Variants in PNISR observed in about 807,000 individuals in gnomAD.
PNISR encodes the protein arginine/serine-rich protein PNISR.
In PNISR, 20 loss-of-function variants were observed where a neutral mutation model predicts 93.4. The ratio of observed to expected loss-of-function variants is 0.21; its 90% confidence interval spans 0.15 to 0.31. PNISR has a LOEUF of 0.31. PNISR is among the 10% of genes least tolerant of loss of function. The probability of loss-of-function intolerance (pLI) is 1.00; values close to 1 mark genes in which losing one functional copy is unlikely to be tolerated. For synonymous variants in PNISR, 305 were observed against 306.5 expected (o/e 0.99, Z 0.05); for missense variants, 893 against 985.4 (o/e 0.91, Z 1.25).
rs752771831 is a variant in PNISR at position 99,410,918 on chromosome 6, T to C, written c.324A>G (p.Pro108=). 8 of 1,613,996 alleles carry C rather than the reference T, an allele frequency of 5.0e-6. No individual in the cohort carries two copies. Among genetic ancestry groups the C allele is most frequent in the South Asian group, 1.1e-5 (1 of 91,080 alleles). ...QQPPHPPPDQ[P]WMPPTPGPMD... ...TTGGGCCTGGTGTTGGTGGCATCCATGGCTGATCTGGAGGGGGGTGTGGGG... is the reference window on the plus strand; with the variant it reads ...TTGGGCCTGGTGTTGGTGGCATCCACGGCTGATCTGGAGGGGGGTGTGGGG... The change falls in exon 5 of 12, where the codon CCA becomes CCG. Residue 108 remains proline, a synonymous_variant. Transcript: ENST00000369239.
chr6:99,420,827 T>C (rs1275278598), intron 1 of PNISR, among the ~76,000 whole-genome samples: 2 of 152,236 alleles, frequency 1.3e-5, no homozygotes. Flanking sequence ...TAATACTTTT[T>C]ATAGAGGGTC....
At chr6:99,407,619 T>C (rs1052384541) in intron 7 of PNISR, among the ~76,000 whole-genome samples, 2 of 152,212 alleles carry the variant, frequency 1.3e-5, no homozygotes, top group African/African-American at 2.4e-5. Context: ...ATAAAAAAGT[T>C]CCTAAACCAC....
chr6:99,417,755 C>T (rs1435936850), intron 1 of PNISR, among the ~76,000 whole-genome samples: 4 of 152,124 alleles, frequency 2.6e-5, no homozygotes, highest in Admixed American at 2.6e-4. Flanking sequence ...TACCTGAGGT[C>T]AGGCATTCAG....
At chr6:99,422,999 CA>C (rs1778816072) in intron 1 of PNISR, among the ~76,000 whole-genome samples, 1 of 151,358 alleles carries the variant, frequency 6.6e-6, no homozygotes, top group South Asian at 2.1e-4. Context: ...GCAACAAGCA[CA>C]CCTAGGCACG....
intron 4 of PNISR, 154 bp from the exon 5 acceptor site, chr6:99,411,118 A>T (rs1776856685): frequency 1.6e-6 from 1 of 617,664 alleles, no homozygotes; most frequent in Non-Finnish European, 2.9e-6. Flanking sequence ...TATCTTAAAA[A>T]TAAGCAATGA....
intron 4 of PNISR, chr6:99,411,659 G>A (rs1233930676): frequency 6.6e-6 from 1 of 152,566 alleles, no homozygotes; most frequent in Non-Finnish European, 1.5e-5. Flanking sequence ...CTGTCACCCA[G>A]GCTGGAGTGC....
At chr6:99,416,992 A>C (rs889514358) in intron 1 of PNISR, among the ~76,000 whole-genome samples, 2 of 152,220 alleles carry the variant, frequency 1.3e-5, no homozygotes, top group Non-Finnish European at 2.9e-5. Context: ...TAAATAAATA[A>C]TCAGTGTCTA....
intron 2 of PNISR, chr6:99,415,937 C>T (rs1265968270): frequency 6.5e-6 from 1 of 152,986 alleles, no homozygotes; most frequent in East Asian, 1.9e-4. Flanking sequence ...CTATCTGCGG[C>T]AGATACTAAT....
Position 99,409,192 on chromosome 6 carries a change from C to T in PNISR, c.654G>A (p.Lys218=). ...AGCTACCAATTTGTGGAGGCTCCTG[C>T]TTCACAGGAAGTGCAATAGGTGAAC... ...RQRSPIALPV[K]QEPPQIDAVK... The change falls in exon 6 of 12, where the codon AAG becomes AAA. Residue 218 remains lysine (K), a synonymous_variant. Transcript: ENST00000369239. 6.2e-7 allele frequency: 1 copy of T among 1,613,608 alleles called. No homozygotes were observed. Among genetic ancestry groups the T allele is most frequent in the South Asian group, 1.1e-5 (1 of 91,066 alleles).
chr6:99,400,957 C>T lies in PNISR; in HGVS notation c.2001G>A (p.Lys667=), dbSNP rs1366867342. Residue 667 remains lysine, a synonymous_variant, in exon 12 of 12, where the codon AAG becomes AAA. Coordinates refer to ENST00000369239, the MANE Select transcript of PNISR (RefSeq NM_032870.4). ...CTTTATCTATACTTCGACTCCTCTC[C>T]TTTTTCCTCTCTTGTTCTTTAGCCT... ...KGEAKEQERK[K]ERSRSIDKDR... 1 of 1,600,012 alleles carries T rather than the reference C, an allele frequency of 6.2e-7. No individual in the cohort carries two copies. Among genetic ancestry groups the T allele is most frequent in the Admixed American group, 1.7e-5 (1 of 59,926 alleles).
At chr6:99,412,870 T>A in intron 3 of PNISR, 131 bp from the exon 4 acceptor site, 18 of 527,446 alleles carry the variant, frequency 3.4e-5, no homozygotes, top group Non-Finnish European at 5.3e-5. Context: ...ATGAGGGAAA[T>A]TAGAAAAATT....
At chr6:99,411,000 C>A (rs1351914466) in intron 4 of PNISR, 36 bp from the exon 5 acceptor site, 6 of 1,461,494 alleles carry the variant, frequency 4.1e-6, no homozygotes, top group Middle Eastern at 1.9e-4. Context: ...ATTCAACAGG[C>A]GGTTATAACA....
Position 99,414,618 on chromosome 6 carries a change from C to G in PNISR, c.42G>C (p.Leu14Phe), listed in dbSNP as rs925389698. ...ATGACTGCATCCATTGTTGCTGGTT[C>G]AAGGGCCACTGCTGCCAAGGCTGTC... The part of the protein sequence containing the change: ...QGGQPWQQWP[L>F]NQQQWMQSFQ... Residue 14 changes from leucine to phenylalanine, a missense_variant, in exon 3 of 12, where the codon TTG becomes TTC. Coordinates refer to ENST00000369239, the MANE Select transcript of PNISR (RefSeq NM_032870.4). 1.2e-6 allele frequency: 2 copies of G among 1,609,070 alleles called. No homozygotes were observed. Among genetic ancestry groups the G allele is most frequent in the African/African-American group, 2.7e-5 (2 of 74,732 alleles).
chr6:99,401,685 C>T, intron 11 of PNISR, 55 bp from the exon 12 acceptor site: 4 of 1,359,994 alleles, frequency 2.9e-6, no homozygotes, highest in Middle Eastern at 4.4e-4. Flanking sequence ...AATTCTCATA[C>T]TACCAAATGT....
chr6:99,414,651 A>T lies in PNISR; in HGVS notation c.9T>A (p.Asp3Glu), dbSNP rs755406609. MWDQGGQPWQQWP... is the reference protein window; with the variant it reads MWEQGGQPWQQWP... Reference sequence around the variant, plus strand: ...ACTGCTGCCAAGGCTGTCCTCCTTGATCCCACATCCCTTCTTTTAAAATAT... The same window carrying T: ...ACTGCTGCCAAGGCTGTCCTCCTTGTTCCCACATCCCTTCTTTTAAAATAT... Residue 3 changes from aspartate (D) to glutamate (E), a missense_variant, in exon 3 of 12, where the codon GAT (aspartate) becomes GAA (glutamate). Transcript: ENST00000369239. 1 of 1,591,436 alleles carries T rather than the reference A, an allele frequency of 6.3e-7. No homozygotes were observed. Among genetic ancestry groups the T allele is most frequent in the Admixed American group, 1.7e-5 (1 of 58,602 alleles).
rs762446591 is a variant in PNISR, at chr6:99,412,537, CAT to C, written c.277+12_277+13del. 1.9e-6 allele frequency: 3 copies of C among 1,548,082 alleles called. No individual in the cohort carries two copies. In the South Asian group the frequency reaches 3.7e-5, roughly 19 times the overall value. The stretch of plus-strand genomic sequence containing the variant: ...TTTAAAAGTCTTAAAATTGTGAAAA[CAT>C]AAACAACAAACCTGGTTGCCACATT... On this transcript the variant is annotated intron_variant, in intron 4 of 11. Coordinates refer to ENST00000369239, the MANE Select transcript of PNISR (RefSeq NM_032870.4).
rs1043141758 is a variant in PNISR, at chr6:99,425,008, T to G, written c.-112+207A>C. On this transcript the variant is annotated intron_variant, in intron 1 of 11. Transcript: ENST00000369239. ...AGAAGATGGGACCGTGAGCACTCTC[T>G]TTAACAAGGACATTTCCTTTTCAGC... 16 of 382,814 alleles carry G rather than the reference T, an allele frequency of 4.2e-5. No homozygotes were observed. In the Admixed American group the frequency reaches 7.2e-4, roughly 17 times the overall value. 23.7% of individuals were successfully genotyped at this position (382,814 alleles called of 1,614,324 possible). A position where few individuals can be genotyped will look rare whatever the true frequency, so the allele number is the denominator to read the frequency against.
chr6:99,407,840 ATTGT>A (rs1776353605), intron 7 of PNISR, among the ~76,000 whole-genome samples: 1 of 152,228 alleles, frequency 6.6e-6, no homozygotes, highest in Non-Finnish European at 1.5e-5. Context: ...ATGAATACAG[ATTGT>A]TTATCAAGAT....
intron 6 of PNISR, among the ~76,000 whole-genome samples, chr6:99,408,835 T>C (rs920666927): frequency 2.0e-5 from 3 of 152,170 alleles, no homozygotes; most frequent in South Asian, 4.1e-4. Context: ...TGGACAGAGA[T>C]TGAACAATTA....
Sources: gnomAD v4.1 joint callset for allele counts (sites outside exome capture counted in the v4.1 genomes callset) on GRCh38, gnomAD v4.1.1 for gene constraint, MANE v1.5 for transcripts, NCBI Gene and HGNC (gene_info 2026-07-23, HGNC 2026-07-21) for gene names.